The following DNAH11 variants were observed in gnomAD, a reference collection of about 807,000 sequenced individuals.
The protein encoded by DNAH11 is dynein axonemal heavy chain 11.
Under a neutral mutation model 526.0 loss-of-function variants are expected in DNAH11, and 442 were observed. That is an observed-to-expected ratio of 0.84 (90% CI 0.78 to 0.91). The LOEUF is 0.91. Ranked by LOEUF, DNAH11 falls within the 40% of genes least tolerant of loss-of-function variation. DNAH11 has a pLI of 0.00. For synonymous variants in DNAH11, 2,461 were observed against 1,935.9 expected (o/e 1.27, Z -7.12); for missense variants, 6,989 against 5,448.7 (o/e 1.28, Z -8.90).
At position 21,543,714 on chromosome 7, in the gene DNAH11, G is replaced by A. The variant is rs1782689032; in HGVS notation, c.351+118G>A. 4.5e-6 allele frequency: 5 copies of A among 1,117,838 alleles called. No individual in the cohort carries two copies. The South Asian group carries it at 4.7e-5, about 10-fold the overall frequency. 69.2% of individuals were successfully genotyped at this position (1,117,838 alleles called of 1,614,324 possible). On this transcript the variant is annotated intron_variant, in intron 1 of 81. Transcript: ENST00000409508. ...TCACTCGGGCACTTTAACAAACTTG[G>A]CTTGAAGTCCCCATCCTGAGGCCCG... is the stretch of plus-strand genomic sequence containing the variant.
intron 65 of DNAH11, among the ~76,000 whole-genome samples, chr7:21,836,484 C>G (rs2128012157): frequency 6.6e-6 from 1 of 152,114 alleles, no homozygotes; most frequent in South Asian, 2.1e-4. Flanking sequence ...ACCAAGAATA[C>G]ACATTGTGGA....
Position 21,791,182 on chromosome 7 carries a change from G to A in DNAH11, c.10026+1840G>A, listed in dbSNP as rs560736792. 1.1e-3 allele frequency among the ~76,000 whole-genome samples: 170 copies of A among 152,310 alleles called. 2 individuals are homozygous for A. The highest frequency in any genetic ancestry group is 3.4e-3 in the Middle Eastern group (1 of 294). On this transcript the variant is annotated intron_variant, in intron 61 of 81. Coordinates refer to ENST00000409508, the MANE Select transcript of DNAH11 (RefSeq NM_001277115.2). ...AGAGTGATGAGGCGGCACAACCCTG[G>A]CAGTTTACAGAAACCCCTGGAGCTT... is the stretch of plus-strand genomic sequence containing the variant.
intron 2 of DNAH11, among the ~76,000 whole-genome samples, chr7:21,548,486 A>T (rs1484552856): frequency 6.6e-6 from 1 of 152,218 alleles, no homozygotes; most frequent in African/African-American, 2.4e-5. Context: ...AGGGACACCT[A>T]CGGAGTTAAC....
In DNAH11 at chr7:21,552,930, C is replaced by G. The variant is rs1783075616; in HGVS notation, c.496-5872C>G. On this transcript the variant is annotated intron_variant, in intron 2 of 81. Transcript: ENST00000409508. ...TGATACATACCCCTTAGATATTGCACCAATCTGAACGACCCATTAGGCTTT... is the reference window on the plus strand; with the variant it reads ...TGATACATACCCCTTAGATATTGCAGCAATCTGAACGACCCATTAGGCTTT... Among the ~76,000 whole-genome samples the G allele has an allele frequency of 2.0e-5, 3 of 152,060 alleles. No homozygotes were observed. The South Asian group carries it at 6.2e-4, about 32-fold the overall frequency.
intron 14 of DNAH11, among the ~76,000 whole-genome samples, chr7:21,597,895 T>C (rs553959814): frequency 1.1e-4 from 17 of 152,208 alleles, no homozygotes; most frequent in African/African-American, 3.9e-4. Context: ...GTGTATACTT[T>C]CCTAGGGTGT....
intron 65 of DNAH11, among the ~76,000 whole-genome samples, chr7:21,827,051 G>T (rs1790330541): frequency 1.3e-5 from 2 of 152,154 alleles, no homozygotes; most frequent in Non-Finnish European, 2.9e-5. Context: ...GCTCCCTGTG[G>T]ACCAATACAT....
At chr7:21,886,856 G>A (rs993792359) in intron 76 of DNAH11, among the ~76,000 whole-genome samples, 31 of 152,276 alleles carry the variant, frequency 2.0e-4, no homozygotes, top group African/African-American at 7.2e-4. Flanking sequence ...CAGATCTGGC[G>A]AGGTTTCCAG....
At position 21,894,927 on chromosome 7, in the gene DNAH11, C is replaced by T. The variant is rs775359356; in HGVS notation, c.12977C>T (p.Ala4326Val). ...CCTGCTGTGGAAGCCCAGCAGTTTG[C>T]ATTGAGTTATGACACGGTACCAGAC... ...LSPAVEAQQF[A>V]LSYDTVPDTW... The change falls in exon 79 of 82, where the codon GCA becomes GTA. Residue 4326 changes from alanine to valine, a missense_variant. Coordinates refer to ENST00000409508, the MANE Select transcript of DNAH11 (RefSeq NM_001277115.2). The T allele has an allele frequency of 1.2e-6, 2 of 1,613,980 alleles. No individual in the cohort carries two copies. The highest frequency in any genetic ancestry group is 2.7e-5 in the African/African-American group (2 of 75,050).
At chr7:21,715,451 G>C (rs552679188) in intron 42 of DNAH11, among the ~76,000 whole-genome samples, 19 of 152,280 alleles carry the variant, frequency 1.2e-4, no homozygotes, top group African/African-American at 4.3e-4. Context: ...GATACATTGG[G>C]GCATTACAAT....
chr7:21,739,120 A>G (rs1022364625), intron 47 of DNAH11, among the ~76,000 whole-genome samples: 1 of 152,150 alleles, frequency 6.6e-6, no homozygotes, highest in Non-Finnish European at 1.5e-5. Flanking sequence ...CAGAAATGTT[A>G]AGACTGTCCG....
chr7:21,778,676 C>T (rs901972885), intron 56 of DNAH11, among the ~76,000 whole-genome samples: 2 of 152,150 alleles, frequency 1.3e-5, no homozygotes, highest in African/African-American at 4.8e-5. Context: ...AGCATGTGGT[C>T]AGACAGAGGG....
At chr7:21,800,455 A>C (rs1212303322) in intron 61 of DNAH11, among the ~76,000 whole-genome samples, 1 of 152,086 alleles carries the variant, frequency 6.6e-6, no homozygotes, top group African/African-American at 2.4e-5. Flanking sequence ...AACATGGCGA[A>C]ACCTCATCTC....
chr7:21,688,239 T>C (rs1179090044), intron 34 of DNAH11, among the ~76,000 whole-genome samples: 2 of 152,114 alleles, frequency 1.3e-5, no homozygotes, highest in Admixed American at 6.5e-5. Flanking sequence ...CAGCGCTTCA[T>C]TGCTGGTTTC....
At chr7:21,891,355 A>G (rs1365790832) in intron 76 of DNAH11, among the ~76,000 whole-genome samples, 1 of 152,218 alleles carries the variant, frequency 6.6e-6, no homozygotes, top group African/African-American at 2.4e-5. Context: ...ATTCCTCTGT[A>G]CATTTAAGTG....
intron 25 of DNAH11, among the ~76,000 whole-genome samples, chr7:21,621,008 A>C (rs1256889485): frequency 6.6e-6 from 1 of 152,044 alleles, no homozygotes; most frequent in African/African-American, 2.4e-5. Context: ...TGTTGTGAAT[A>C]GTGCCACAAT....
chr7:21,589,761 C>T (rs1232816886), intron 12 of DNAH11, among the ~76,000 whole-genome samples: 1 of 152,064 alleles, frequency 6.6e-6, no homozygotes, highest in African/African-American at 2.4e-5. Context: ...TTTGTCTTTG[C>T]CGGACAGTTT....
Position 21,650,757 on chromosome 7 carries a change from A to C in DNAH11, c.4945-5075A>C, listed in dbSNP as rs972207355. Among the ~76,000 whole-genome samples the C allele has an allele frequency of 7.2e-5, 11 of 151,962 alleles. No homozygotes were observed. The East Asian group carries it at 1.7e-3, about 24-fold the overall frequency. On this transcript the variant is annotated intron_variant, in intron 28 of 81. Coordinates refer to ENST00000409508, the MANE Select transcript of DNAH11 (RefSeq NM_001277115.2). ...CGGGTTCAAGCGATTCTCCTGCCTC[A>C]GCCTCCAGAGTAGCGGGGATTACAG...
At chr7:21,829,233 C>G (rs527287096) in intron 65 of DNAH11, among the ~76,000 whole-genome samples, 1 of 151,464 alleles carries the variant, frequency 6.6e-6, no homozygotes, top group Non-Finnish European at 1.5e-5. Context: ...TGTTTCCCCC[C>G]ACCCCCCGCC....
At chr7:21,550,127 C>CT (rs55646294) in intron 2 of DNAH11, among the ~76,000 whole-genome samples, 100,797 of 151,802 alleles carry the variant, frequency 0.66, 35,329 homozygotes, top group East Asian at 0.95. Context: ...TTACATTCGT[C>CT]TTTTTTTCTC....
Sources: gnomAD v4.1 joint callset for allele counts (sites outside exome capture counted in the v4.1 genomes callset) on GRCh38, gnomAD v4.1.1 for gene constraint, MANE v1.5 for transcripts, NCBI Gene and HGNC (gene_info 2026-07-23, HGNC 2026-07-21) for gene names.